The following CSTF3 variants were observed in gnomAD, a reference collection of about 807,000 sequenced individuals.
CSTF3 encodes cleavage stimulation factor subunit 3, also known as CF-1 77 kDa subunit.
CSTF3 carries 29 observed loss-of-function variants against 105.8 expected under a neutral mutation model. The observed-to-expected ratio is 0.27, with a 90% CI of 0.20 to 0.37. The LOEUF is 0.37. Ranked by LOEUF, CSTF3 falls within the 10% of genes least tolerant of loss-of-function variation. The pLI is 1.00. For synonymous variants in CSTF3, 252 were observed against 281.9 expected (o/e 0.89, Z 1.06); for missense variants, 357 against 879.3 (o/e 0.41, Z 7.51).
intron 3 of CSTF3, among the ~76,000 whole-genome samples, chr11:33,136,771 T>C (rs1855657794): frequency 1.3e-5 from 2 of 151,944 alleles, no homozygotes; most frequent in African/African-American, 4.8e-5. Flanking sequence ...GGATGCTACG[T>C]TGCAGCGTAT....
At chr11:33,122,914 C>CAAAAAAAAAAAAAAAA (rs10600978) in intron 3 of CSTF3, among the ~76,000 whole-genome samples, 32 of 83,782 alleles carry the variant, frequency 3.8e-4, no homozygotes, top group East Asian at 6.6e-4. Flanking sequence ...TATCCTGTCT[C>CAAAAAAAAAAAAAAAA]AAAAAAAAAA....
intron 3 of CSTF3, among the ~76,000 whole-genome samples, chr11:33,126,421 G>A (rs1855543981): frequency 6.6e-6 from 1 of 151,896 alleles, no homozygotes; most frequent in Non-Finnish European, 1.5e-5. Context: ...CCGCACTCCA[G>A]CCTGGGTGAC....
At chr11:33,105,790 A>G (rs1201002693) in intron 7 of CSTF3, 93 bp downstream of exon 7, 22 of 1,512,274 alleles carry the variant, frequency 1.5e-5, no homozygotes, top group Non-Finnish European at 1.9e-5. Context: ...GAACAACTCT[A>G]TGGAAAATAG....
intron 3 of CSTF3, among the ~76,000 whole-genome samples, chr11:33,138,370 G>A (rs1235565491): frequency 1.3e-5 from 2 of 151,636 alleles, no homozygotes; most frequent in South Asian, 4.1e-4. Context: ...GGCTGGGTGG[G>A]GCAGAACAAT....
chr11:33,150,425 T>C (rs1338259751), intron 1 of CSTF3, among the ~76,000 whole-genome samples: 1 of 152,128 alleles, frequency 6.6e-6, no homozygotes, highest in Non-Finnish European at 1.5e-5. Context: ...TCAGGCGATG[T>C]TAATGGGGAA....
At chr11:33,105,443 C>A (rs1855317564) in intron 8 of CSTF3, 124 bp downstream of exon 8, 2 of 924,140 alleles carry the variant, frequency 2.2e-6, no homozygotes, top group African/African-American at 1.7e-5. Context: ...CATTATAGTG[C>A]TTTCATTACA....
At chr11:33,109,564 A>T (rs1364551606) in intron 3 of CSTF3, among the ~76,000 whole-genome samples, 1 of 152,186 alleles carries the variant, frequency 6.6e-6, no homozygotes, top group Non-Finnish European at 1.5e-5. Flanking sequence ...CTATCTACTT[A>T]ACCTCTTTTT....
intron 3 of CSTF3, among the ~76,000 whole-genome samples, chr11:33,137,402 A>G (rs1855666198): frequency 6.6e-6 from 1 of 151,902 alleles, no homozygotes; most frequent in Non-Finnish European, 1.5e-5. Flanking sequence ...GAAAAAATGT[A>G]TAGACCATGT....
intron 1 of CSTF3, among the ~76,000 whole-genome samples, chr11:33,145,389 G>T (rs1855768683): frequency 6.6e-6 from 1 of 152,032 alleles, no homozygotes; most frequent in Non-Finnish European, 1.5e-5. Context: ...TCGCACCACT[G>T]CACTCCAAAC....
In CSTF3 at chr11:33,102,158, T is replaced by C. The variant is rs749338520; in HGVS notation, c.826+19A>G. On this transcript the variant is annotated intron_variant, in intron 10 of 20. Transcript: ENST00000323959. ...TAACATACATGTAACTGAAGTCCCATGAGGGTTAATCATGTTACCTCTTTT... is the reference window on the plus strand; with the variant it reads ...TAACATACATGTAACTGAAGTCCCACGAGGGTTAATCATGTTACCTCTTTT... 1 of 1,610,748 alleles carries C rather than the reference T, an allele frequency of 6.2e-7. No individual in the cohort carries two copies. The highest frequency in any genetic ancestry group is 1.3e-5 in the African/African-American group (1 of 74,950).
intron 3 of CSTF3, among the ~76,000 whole-genome samples, chr11:33,140,493 C>T (rs532215468): frequency 5.9e-5 from 9 of 152,096 alleles, no homozygotes; most frequent in Non-Finnish European, 1.5e-5. Context: ...TAATTTCCCT[C>T]CCCACCAAGT....
intron 3 of CSTF3, among the ~76,000 whole-genome samples, chr11:33,119,026 T>A (rs1855461209): frequency 1.3e-5 from 2 of 151,582 alleles, no homozygotes; most frequent in Non-Finnish European, 3.0e-5. Context: ...CTCACTTTTG[T>A]TTGCTGAGTT....
chr11:33,090,208 C>T (rs922203358), intron 17 of CSTF3, among the ~76,000 whole-genome samples: 1 of 152,074 alleles, frequency 6.6e-6, no homozygotes, highest in Non-Finnish European at 1.5e-5. Context: ...AAAGTAATAC[C>T]TAAGATGACA....
intron 8 of CSTF3, among the ~76,000 whole-genome samples, chr11:33,104,963 G>A (rs1447764044): frequency 1.3e-5 from 2 of 152,080 alleles, no homozygotes; most frequent in Admixed American, 1.3e-4. Flanking sequence ...TGCCCAGGCT[G>A]GTCTCAAACT....
intron 1 of CSTF3, among the ~76,000 whole-genome samples, chr11:33,154,491 CTTTTTTTTTT>C (rs34462847): frequency 3.3e-5 from 2 of 60,892 alleles, no homozygotes; most frequent in East Asian, 5.7e-4. Flanking sequence ...GTAAGACTTT[CTTTTTTTTTT>C]TTTTTTTTTT....
intron 1 of CSTF3, among the ~76,000 whole-genome samples, chr11:33,144,615 T>C (rs1374730976): frequency 2.0e-5 from 3 of 152,212 alleles, no homozygotes; most frequent in Non-Finnish European, 4.4e-5. Flanking sequence ...TTACTCTTTC[T>C]GCCCAAATAA....
At chr11:33,136,900 T>C (rs1855659795) in intron 3 of CSTF3, among the ~76,000 whole-genome samples, 1 of 151,896 alleles carries the variant, frequency 6.6e-6, no homozygotes, top group Non-Finnish European at 1.5e-5. Context: ...TATTATTATG[T>C]TATTCCATGA....
At chr11:33,108,144 C>A in intron 4 of CSTF3, 144 bp from the exon 5 acceptor site, 1 of 615,476 alleles carries the variant, frequency 1.6e-6, no homozygotes, top group Non-Finnish European at 2.6e-6. Context: ...TCCCCATTTT[C>A]AGTTTAGATA....
intron 3 of CSTF3, among the ~76,000 whole-genome samples, chr11:33,127,848 G>C (rs530477976): frequency 2.2e-4 from 33 of 152,122 alleles, no homozygotes; most frequent in Non-Finnish European, 4.4e-4. Context: ...TTTGATACTA[G>C]AATCAGTAAA....
Sources: gnomAD v4.1 joint callset for allele counts (sites outside exome capture counted in the v4.1 genomes callset) on GRCh38, gnomAD v4.1.1 for gene constraint, MANE v1.5 for transcripts, NCBI Gene and HGNC (gene_info 2026-07-23, HGNC 2026-07-21) for gene names.